Variants in SLC25A17 observed in about 807,000 individuals in gnomAD.
SLC25A17 encodes peroxisomal membrane protein PMP34.
SLC25A17 carries 26 observed loss-of-function variants against 38.5 expected under a neutral mutation model. The ratio of observed to expected loss-of-function variants is 0.68; its 90% CI spans 0.50 to 0.94. The LOEUF (loss-of-function observed/expected upper bound fraction) is 0.94. SLC25A17 is among the 40% of genes least tolerant of loss of function. The pLI, the probability that SLC25A17 is intolerant of heterozygous loss-of-function variation, is 0.00. For missense variants in SLC25A17, 333 were observed against 372.7 expected (o/e 0.89, Z 0.88); for synonymous variants, 139 against 136.2 (o/e 1.02, Z -0.14).
chr22:40,801,047 T>C (rs1365442248), intron 1 of SLC25A17, among the ~76,000 whole-genome samples: 2 of 147,614 alleles, frequency 1.4e-5, no homozygotes, highest in African/African-American at 2.5e-5. Context: ...GAGGTTGCAG[T>C]GAGCCGCGAT....
intron 1 of SLC25A17, among the ~76,000 whole-genome samples, chr22:40,812,065 CTTAT>C (rs1486418450): frequency 6.7e-6 from 1 of 150,136 alleles, no homozygotes; most frequent in Non-Finnish European, 1.5e-5. Context: ...TTCTTTTTAA[CTTAT>C]TTATTTTTAG....
At chr22:40,787,562 A>G (rs2057349835) in intron 4 of SLC25A17, among the ~76,000 whole-genome samples, 1 of 152,214 alleles carries the variant, frequency 6.6e-6, no homozygotes, top group Non-Finnish European at 1.5e-5. Flanking sequence ...TTTATCCTAT[A>G]AAAGTATACC....
At chr22:40,797,653 A>G (rs1232687583) in intron 2 of SLC25A17, among the ~76,000 whole-genome samples, 5 of 152,380 alleles carry the variant, frequency 3.3e-5, no homozygotes, top group Non-Finnish European at 1.5e-5. Flanking sequence ...ATTAGGAAAC[A>G]TGATATCTTC....
rs1294429530 is a variant in SLC25A17, at chr22:40,786,310, CAA to C, written c.334+6213_334+6214del. Among the ~76,000 whole-genome samples the C allele has an allele frequency of 5.0e-3, 601 of 120,040 alleles. 6 individuals carry two copies. Among genetic ancestry groups the C allele is most frequent in the African/African-American group, 0.016 (516 of 32,572 alleles). The allele number at this position is 120,040 out of a possible 152,430, so 78.8% of individuals were successfully genotyped here. On this transcript the variant is annotated intron_variant, in intron 4 of 8. Transcript: ENST00000435456. ...TGGGTGACAAAGTGAAACCCTGTTG[CAA>C]AAAAAAAAAAAAAGTAGGAGGCTCT...
chr22:40,782,346 T>C (rs2057302736), intron 4 of SLC25A17, among the ~76,000 whole-genome samples: 1 of 152,226 alleles, frequency 6.6e-6, no homozygotes, highest in South Asian at 2.1e-4. Flanking sequence ...GACTGTTTTT[T>C]TTCTAATTCT....
intron 4 of SLC25A17, chr22:40,788,713 T>A: frequency 4.4e-6 from 1 of 227,690 alleles, no homozygotes; most frequent in Admixed American, 4.1e-5. Flanking sequence ...TAAAATAAAA[T>A]AAAAACAAAA....
At chr22:40,785,998 G>T (rs2057334740) in intron 4 of SLC25A17, among the ~76,000 whole-genome samples, 1 of 152,126 alleles carries the variant, frequency 6.6e-6, no homozygotes, top group African/African-American at 2.4e-5. Context: ...AGGAGACTAA[G>T]GAGAAAGTGA....
At position 40,789,942 on chromosome 22, in the gene SLC25A17, T is replaced by C. The variant is rs560919775; in HGVS notation, c.334+2583A>G. ...AGGGGTGAGCCACCACACCTGGCCTTGGACCATTTTCTGACAAGACAACAG... is the reference window on the plus strand; with the variant it reads ...AGGGGTGAGCCACCACACCTGGCCTCGGACCATTTTCTGACAAGACAACAG... On this transcript the variant is annotated intron_variant, in intron 4 of 8. Transcript: ENST00000435456. The surrounding 1 kb of genome is among the most constrained non-coding windows in gnomAD (Gnocchi z 4.5). Among the ~76,000 whole-genome samples the C allele has an allele frequency of 1.3e-4, 19 of 151,946 alleles. No individual in the cohort carries two copies. Among genetic ancestry groups the C allele is most frequent in the Admixed American group, 1.2e-3 (19 of 15,276 alleles).
chr22:40,800,336 C>T (rs1185116346), intron 1 of SLC25A17, among the ~76,000 whole-genome samples: 1 of 152,146 alleles, frequency 6.6e-6, no homozygotes, highest in Non-Finnish European at 1.5e-5. Flanking sequence ...TATAGATTTA[C>T]AGGCATAAAA....
At chr22:40,783,285 G>T (rs1167794192) in intron 4 of SLC25A17, among the ~76,000 whole-genome samples, 1 of 152,132 alleles carries the variant, frequency 6.6e-6, no homozygotes, top group African/African-American at 2.4e-5. Context: ...GTGTGTGTAT[G>T]TGGGCTCTTG....
chr22:40,809,327 T>TAA (rs1013820620), intron 1 of SLC25A17, among the ~76,000 whole-genome samples: 2 of 151,668 alleles, frequency 1.3e-5, no homozygotes, highest in East Asian at 3.9e-4. Context: ...CACATCTCTT[T>TAA]AAAAAAACAA....
rs898504579 is a variant in SLC25A17 at position 40,770,903 on chromosome 22, G to T, written c.855C>A (p.Phe285Leu). 7.4e-6 allele frequency: 12 copies of T among 1,613,524 alleles called. No homozygotes were observed. Among genetic ancestry groups the T allele is most frequent in the Non-Finnish European group, 9.3e-6 (11 of 1,179,562 alleles). The change falls in exon 9 of 9, where the codon TTC becomes TTA. Residue 285 changes from phenylalanine to leucine, a missense_variant. Coordinates refer to ENST00000435456, the MANE Select transcript of SLC25A17 (RefSeq NM_006358.4). ...LQTVLTAALM[F>L]LVYEKLTAAT... ...CAGCTGTCAGTTTCTCATAAACAAGGAACATGAGAGCAGCAGTGAGGACTG... is the reference window on the plus strand; with the variant it reads ...CAGCTGTCAGTTTCTCATAAACAAGTAACATGAGAGCAGCAGTGAGGACTG...
Position 40,813,335 on chromosome 22 carries a change from C to T in SLC25A17, c.54+5860G>A, listed in dbSNP as rs5995953. On this transcript the variant is annotated intron_variant, in intron 1 of 8. Transcript: ENST00000435456. The stretch of plus-strand genomic sequence containing the variant: ...GGTGGATCACTTGAGGTCAGGAGTT[C>T]GAGACCAGCCTGGCCAACACGGTGA... Among the ~76,000 whole-genome samples the T allele has an allele frequency of 3.6e-3, 547 of 152,030 alleles. 5 individuals are homozygous for T. Among genetic ancestry groups the T allele is most frequent in the African/African-American group, 0.013 (524 of 41,450 alleles).
chr22:40,792,860 C>T (rs776301439), intron 3 of SLC25A17, among the ~76,000 whole-genome samples, 184 bp from the exon 4 acceptor site: 4 of 152,168 alleles, frequency 2.6e-5, no homozygotes, highest in Non-Finnish European at 2.9e-5. Context: ...GAAATCTATT[C>T]TAGCACTAAT....
chr22:40,816,111 C>A (rs916294302), intron 1 of SLC25A17, among the ~76,000 whole-genome samples: 5 of 151,808 alleles, frequency 3.3e-5, no homozygotes, highest in Admixed American at 2.6e-4. Flanking sequence ...ATCGCTTGAA[C>A]CCAGGAGGCG....
chr22:40,796,773 A>G (rs2057434533), intron 2 of SLC25A17, among the ~76,000 whole-genome samples: 2 of 152,220 alleles, frequency 1.3e-5, no homozygotes, highest in South Asian at 4.1e-4. Flanking sequence ...CATTTCTGTA[A>G]TAACAAAAGG....
chr22:40,798,688 C>CT (rs1280550898), intron 2 of SLC25A17, among the ~76,000 whole-genome samples: 1 of 106,850 alleles, frequency 9.4e-6, no homozygotes, highest in Non-Finnish European at 1.9e-5. Context: ...AAAAAAGAGG[C>CT]TGGGTATGGT....
At chr22:40,812,013 C>T (rs7287625) in intron 1 of SLC25A17, among the ~76,000 whole-genome samples, 82,523 of 151,718 alleles carry the variant, frequency 0.54, 23,416 homozygotes, top group Admixed American at 0.67. Flanking sequence ...ACCTGGATTT[C>T]TTTCTTTTTC....
intron 4 of SLC25A17, among the ~76,000 whole-genome samples, chr22:40,783,050 C>A (rs988596633): frequency 2.0e-5 from 3 of 152,068 alleles, no homozygotes; most frequent in African/African-American, 7.2e-5. Flanking sequence ...AGGAAGAAAG[C>A]TGTTATAATT....
Sources: gnomAD v4.1 joint callset for allele counts (sites outside exome capture counted in the v4.1 genomes callset) on GRCh38, gnomAD v4.1.1 for gene constraint, Gnocchi (gnomAD v3.1) non-coding constraint, MANE v1.5 for transcripts, NCBI Gene and HGNC (gene_info 2026-07-23, HGNC 2026-07-21) for gene names.